Variants in CTNNA3 observed in about 807,000 individuals in gnomAD.
CTNNA3 encodes the protein catenin alpha-3.
CTNNA3 carries 76 observed loss-of-function variants against 95.7 expected under a neutral mutation model. That is an observed-to-expected ratio of 0.79 (90% confidence interval 0.66 to 0.96). The LOEUF is 0.96. Ranked by LOEUF, CTNNA3 falls within the 40% of genes least tolerant of loss-of-function variation. The probability of loss-of-function intolerance (pLI) is 0.00; values close to 1 mark genes in which losing one functional copy is unlikely to be tolerated. For synonymous variants in CTNNA3, 431 were observed against 374.4 expected, an observed-to-expected ratio of 1.15 and a Z score of -1.74; for missense variants, 1,191 against 1,089.8, an observed-to-expected ratio of 1.09 and a Z score of -1.31.
chr10:66,199,594 G>T (rs1010473383), intron 13 of CTNNA3, among the ~76,000 whole-genome samples: 3 of 150,048 alleles, frequency 2.0e-5, no homozygotes, highest in African/African-American at 7.3e-5. Context: ...TAGTTTGTTT[G>T]TTTGTTTGTT....
chr10:66,299,317 T>C (rs1466400644), intron 12 of CTNNA3, among the ~76,000 whole-genome samples: 1 of 152,212 alleles, frequency 6.6e-6, no homozygotes, highest in Non-Finnish European at 1.5e-5. Context: ...CTGTCTCAGA[T>C]TTTCTGAGTT....
intron 5 of CTNNA3, among the ~76,000 whole-genome samples, chr10:67,396,026 TG>T (rs1844694384): frequency 6.6e-6 from 1 of 152,182 alleles, no homozygotes; most frequent in South Asian, 2.1e-4. Flanking sequence ...AATGTATGTT[TG>T]TAAAATAAAA....
At chr10:67,158,129 G>A (rs925951868) in intron 7 of CTNNA3, among the ~76,000 whole-genome samples, 3 of 152,046 alleles carry the variant, frequency 2.0e-5, no homozygotes, top group Admixed American at 6.6e-5. Context: ...TGGACAGGTA[G>A]TTGTGTTACT....
intron 10 of CTNNA3, among the ~76,000 whole-genome samples, chr10:66,604,086 A>AT (rs1252777005): frequency 6.6e-6 from 1 of 152,128 alleles, no homozygotes; most frequent in African/African-American, 2.4e-5. Flanking sequence ...CAATGGGATC[A>AT]TATCAAGTTA....
intron 5 of CTNNA3, among the ~76,000 whole-genome samples, chr10:67,490,552 C>A (rs985545812): frequency 3.9e-5 from 6 of 152,096 alleles, no homozygotes; most frequent in Non-Finnish European, 8.8e-5. Flanking sequence ...GCAAGCCTAC[C>A]TGGGGAACAA....
At chr10:67,301,714 A>T (rs2132497489) in intron 5 of CTNNA3, among the ~76,000 whole-genome samples, 1 of 152,300 alleles carries the variant, frequency 6.6e-6, no homozygotes, top group Non-Finnish European at 1.5e-5. Context: ...CACGCCTGTA[A>T]TCCCAGCACT....
intron 4 of CTNNA3, among the ~76,000 whole-genome samples, chr10:67,536,740 C>T (rs938521801): frequency 2.6e-5 from 4 of 152,066 alleles, no homozygotes; most frequent in South Asian, 4.1e-4. Flanking sequence ...AATTTTAACG[C>T]GCTAATGTGC....
chr10:66,321,834 C>A (rs758946204), intron 12 of CTNNA3, among the ~76,000 whole-genome samples: 1 of 152,086 alleles, frequency 6.6e-6, no homozygotes, highest in Non-Finnish European at 1.5e-5. Flanking sequence ...AGGAAATGTG[C>A]GTATGCTATA....
intron 7 of CTNNA3, among the ~76,000 whole-genome samples, chr10:67,066,164 A>T (rs113774840): frequency 0.013 from 1,913 of 149,830 alleles, 19 homozygotes; most frequent in Non-Finnish European, 0.021. Context: ...GTTTCCCTAT[A>T]GCACACTGCT....
Position 67,090,782 on chromosome 10 carries a change from G to A in CTNNA3, c.1047+89535C>T, listed in dbSNP as rs533673653. Among the ~76,000 whole-genome samples, 7 of 152,162 alleles carry A rather than the reference G, an allele frequency of 4.6e-5. No individual in the cohort carries two copies. The South Asian group carries it at 1.5e-3, about 32-fold the overall frequency. ...CAACAAATGCCCACAGCTTCTTCAG[G>A]TGGCTAGGCAGAGTAACAGCTGCAG... On this transcript the variant is annotated intron_variant, in intron 7 of 17. Transcript: ENST00000433211.
intron 1 of CTNNA3, among the ~76,000 whole-genome samples, chr10:67,728,038 A>C (rs1323578258): frequency 7.1e-6 from 1 of 141,402 alleles, no homozygotes; most frequent in African/African-American, 2.6e-5. Flanking sequence ...TATGATATAT[A>C]ATTATAATTA....
At chr10:66,648,184 G>A (rs770073058) in intron 9 of CTNNA3, among the ~76,000 whole-genome samples, 1 of 152,036 alleles carries the variant, frequency 6.6e-6, no homozygotes, top group Non-Finnish European at 1.5e-5. Context: ...AGCATCACCA[G>A]AAGAACTTTT....
intron 6 of CTNNA3, among the ~76,000 whole-genome samples, chr10:67,193,833 T>C (rs1346293309): frequency 4.1e-5 from 6 of 147,950 alleles, no homozygotes; most frequent in African/African-American, 1.3e-4. Context: ...CAGAACAATT[T>C]ATATTCCTTT....
At chr10:66,985,183 G>A (rs558570022) in intron 7 of CTNNA3, among the ~76,000 whole-genome samples, 1 of 152,230 alleles carries the variant, frequency 6.6e-6, no homozygotes, top group East Asian at 1.9e-4. Context: ...TCAGTCATGG[G>A]TGAGTAAAAA....
At chr10:66,985,239 T>C (rs1311003446) in intron 7 of CTNNA3, among the ~76,000 whole-genome samples, 3 of 152,198 alleles carry the variant, frequency 2.0e-5, no homozygotes, top group Non-Finnish European at 2.9e-5. Flanking sequence ...GGGTGATTTA[T>C]AGTAATATAG....
chr10:67,645,711 G>A (rs1411922539), intron 2 of CTNNA3, among the ~76,000 whole-genome samples: 1 of 151,670 alleles, frequency 6.6e-6, no homozygotes, highest in African/African-American at 2.4e-5. Flanking sequence ...GTTCAGCAGA[G>A]CAATATTTAT....
intron 7 of CTNNA3, among the ~76,000 whole-genome samples, chr10:67,108,929 A>C (rs998059036): frequency 3.3e-5 from 5 of 152,220 alleles, no homozygotes; most frequent in Non-Finnish European, 7.3e-5. Context: ...TAATTTAGCT[A>C]TTCCATGATA....
At chr10:66,559,553 T>G (rs1197847199) in intron 10 of CTNNA3, among the ~76,000 whole-genome samples, 1 of 152,034 alleles carries the variant, frequency 6.6e-6, no homozygotes, top group Non-Finnish European at 1.5e-5. Context: ...CACACCCACC[T>G]CCAATTAGCA....
At chr10:67,657,777 G>A (rs1307371973) in intron 1 of CTNNA3, among the ~76,000 whole-genome samples, 3 of 150,358 alleles carry the variant, frequency 2.0e-5, no homozygotes, top group Admixed American at 1.3e-4. Flanking sequence ...AACCTGGGAG[G>A]CGGAGGTTGC....
Sources: allele counts gnomAD v4.1 joint callset (sites outside exome capture counted in the v4.1 genomes callset), GRCh38; gene constraint gnomAD v4.1.1; transcripts MANE v1.5; gene names NCBI Gene and HGNC (gene_info 2026-07-23, HGNC 2026-07-21).